Variants in TMEM260 observed in about 807,000 individuals in gnomAD.
TMEM260 encodes transmembrane protein 260.
Under a neutral mutation model 88.9 loss-of-function variants are expected in TMEM260, and 82 were observed. The observed-to-expected ratio is 0.92, with a 90% CI of 0.77 to 1.11. The LOEUF (loss-of-function observed/expected upper bound fraction) is 1.11. TMEM260 is among the 50% of genes least tolerant of loss of function. TMEM260 has a pLI of 0.00. For missense variants in TMEM260, 902 were observed against 853.4 expected, an observed-to-expected ratio of 1.06 and a Z score of -0.71; for synonymous variants, 314 against 309.3, an observed-to-expected ratio of 1.02 and a Z score of -0.16.
At chr14:56,621,724 T>G in intron 11 of TMEM260, 22 bp downstream of exon 11, 1 of 1,582,656 alleles carries the variant, frequency 6.3e-7, no homozygotes, top group South Asian at 1.2e-5. Context: ...AAAAATATAC[T>G]TAGAATATAG....
At chr14:56,638,955 T>TGGTACATGTGACTTAA (rs1566575487) in intron 15 of TMEM260, among the ~76,000 whole-genome samples, 1 of 152,126 alleles carries the variant, frequency 6.6e-6, no homozygotes, top group African/African-American at 2.4e-5. Flanking sequence ...TCTCAAGATA[T>TGGTACATGTGACTTAA]GGTACATGTG....
chr14:56,587,628 A>G (rs2139505116), intron 3 of TMEM260, among the ~76,000 whole-genome samples: 1 of 152,190 alleles, frequency 6.6e-6, no homozygotes, highest in Admixed American at 6.5e-5. Context: ...TAAATTAGGT[A>G]TTTGAGTAGT....
intron 12 of TMEM260, among the ~76,000 whole-genome samples, chr14:56,630,251 T>C (rs973147345): frequency 2.0e-5 from 3 of 152,170 alleles, no homozygotes; most frequent in Non-Finnish European, 4.4e-5. Flanking sequence ...TTAACTTGTT[T>C]GGAGTTTTCC....
chr14:56,586,702 T>C (rs188314274), intron 3 of TMEM260, among the ~76,000 whole-genome samples: 1 of 152,270 alleles, frequency 6.6e-6, no homozygotes, highest in East Asian at 1.9e-4. Context: ...AAATGATTTC[T>C]GTAGGTAAAT....
At chr14:56,614,204 C>T (rs563872597) in intron 7 of TMEM260, among the ~76,000 whole-genome samples, 2 of 142,140 alleles carry the variant, frequency 1.4e-5, no homozygotes, top group African/African-American at 2.7e-5. Flanking sequence ...CTAACACAAC[C>T]GGCCTACAAA....
At chr14:56,579,797 C>T (rs2275027), upstream of TMEM260, 3 of 1,025,790 alleles carry the variant, frequency 2.9e-6, no homozygotes, top group Admixed American at 4.3e-5. Context: ...CGCGGAGGCT[C>T]GACCCGGAAG....
intron 3 of TMEM260, among the ~76,000 whole-genome samples, chr14:56,596,081 G>C (rs1322907080): frequency 1.3e-5 from 2 of 151,844 alleles, no homozygotes; most frequent in African/African-American, 4.8e-5. Flanking sequence ...AGTAGTAAAA[G>C]ACAGCAATAA....
At chr14:56,625,611 C>A in intron 12 of TMEM260, 81 bp downstream of exon 12, 4 of 1,101,450 alleles carry the variant, frequency 3.6e-6, no homozygotes, top group South Asian at 3.3e-5. Context: ...GTGCATCATC[C>A]AAAAGACCAA....
the TMEM260 span, among the ~76,000 whole-genome samples, chr14:56,662,043 C>G: frequency 6.6e-6 from 1 of 152,204 alleles, no homozygotes; most frequent in South Asian, 2.1e-4. Context: ...CTTTCATTCA[C>G]TCCTCAAAAT....
At chr14:56,621,902 A>G (rs968236855) in intron 11 of TMEM260, among the ~76,000 whole-genome samples, 200 bp downstream of exon 11, 1 of 152,090 alleles carries the variant, frequency 6.6e-6, no homozygotes, top group Non-Finnish European at 1.5e-5. Context: ...AAGTCACACT[A>G]GTTGCTTCTT....
intron 13 of TMEM260, 54 bp from the exon 14 acceptor site, chr14:56,634,842 CAAA>C (rs10601913): frequency 6.6e-4 from 880 of 1,328,112 alleles, no homozygotes; most frequent in Middle Eastern, 1.0e-3. Context: ...AATTCTGTCT[CAAA>C]AAAAAAAAAA....
downstream of TMEM260, among the ~76,000 whole-genome samples, chr14:56,652,964 A>C (rs1890231890): frequency 6.6e-6 from 1 of 152,178 alleles, no homozygotes. Flanking sequence ...ATTGAGTGAG[A>C]ATTGACCAGC....
At chr14:56,612,673 G>T in intron 7 of TMEM260, 2 of 155,008 alleles carry the variant, frequency 1.3e-5, no homozygotes, top group Non-Finnish European at 2.8e-5. Context: ...ATCTGTATAT[G>T]TTTGTACAGA....
chr14:56,582,015 G>C (rs1253429547), intron 1 of TMEM260, among the ~76,000 whole-genome samples: 2 of 152,050 alleles, frequency 1.3e-5, no homozygotes, highest in African/African-American at 2.4e-5. Flanking sequence ...ATTTTGTTTG[G>C]TTTGATGTTA....
chr14:56,621,849 G>T, intron 11 of TMEM260, 147 bp downstream of exon 11: 1 of 576,776 alleles, frequency 1.7e-6, no homozygotes, highest in Non-Finnish European at 2.8e-6. Context: ...ATGTTAGGTA[G>T]AATATATATG....
chr14:56,588,429 T>G (rs1594811114), intron 3 of TMEM260, among the ~76,000 whole-genome samples: 1 of 152,082 alleles, frequency 6.6e-6, no homozygotes, highest in African/African-American at 2.4e-5. Flanking sequence ...AAGCTCCATT[T>G]TTTTCAGTAA....
intron 10 of TMEM260, chr14:56,619,590 A>G (rs1887788519): frequency 6.6e-6 from 1 of 152,226 alleles, no homozygotes; most frequent in Admixed American, 6.5e-5. Context: ...TCTGACATAA[A>G]AGACGTCTAA....
At chr14:56,618,914 G>T (rs1467057543) in intron 10 of TMEM260, 151 bp downstream of exon 10, 26 of 777,658 alleles carry the variant, frequency 3.3e-5, no homozygotes, top group Non-Finnish European at 3.8e-5. Flanking sequence ...TAACTTTTAG[G>T]GTCGTTAAAC....
chr14:56,579,756 G>A, upstream of TMEM260: 1 of 593,150 alleles, frequency 1.7e-6, no homozygotes, highest in Non-Finnish European at 2.5e-6. Context: ...TCTCCTCCCC[G>A]CGCTCAGGCG....
Sources: gnomAD v4.1 joint callset for allele counts (sites outside exome capture counted in the v4.1 genomes callset) on GRCh38, gnomAD v4.1.1 for gene constraint, MANE v1.5 for transcripts, NCBI Gene and HGNC (gene_info 2026-07-23, HGNC 2026-07-21) for gene names.